ERC2: variants seen among roughly 807,000 people sequenced by gnomAD.
ERC2 encodes ERC protein 2.
In ERC2, 42 loss-of-function variants were observed where a neutral mutation model predicts 114.8. The ratio of observed to expected loss-of-function variants is 0.37; its 90% confidence interval spans 0.29 to 0.47. The LOEUF is 0.47. Among genes scored for constraint, ERC2 ranks in the 20% least tolerant of loss-of-function variants. ERC2 has a pLI of 0.99. For synonymous variants in ERC2, 454 were observed against 425.5 expected (o/e 1.07, Z -0.82); for missense variants, 939 against 1,150.7 (o/e 0.82, Z 2.66).
chr3:56,217,466 C>A (rs972356114), intron 3 of ERC2, among the ~76,000 whole-genome samples: 1 of 152,122 alleles, frequency 6.6e-6, no homozygotes, highest in Admixed American at 6.5e-5. Context: ...GAACTACAAA[C>A]CACTGCTCGA....
intron 6 of ERC2, among the ~76,000 whole-genome samples, chr3:56,110,306 C>G (rs749210145): frequency 6.6e-6 from 1 of 152,106 alleles, no homozygotes; most frequent in Non-Finnish European, 1.5e-5. Context: ...TGGTTATACC[C>G]TTTGACCCAG....
At chr3:55,989,206 G>T (rs2070865188) in intron 11 of ERC2, among the ~76,000 whole-genome samples, 1 of 152,222 alleles carries the variant, frequency 6.6e-6, no homozygotes, top group African/African-American at 2.4e-5. Context: ...CAGAGATAAA[G>T]AAAATGTGCA....
At chr3:55,866,759 G>A (rs767657742) in intron 14 of ERC2, among the ~76,000 whole-genome samples, 25 of 152,060 alleles carry the variant, frequency 1.6e-4, no homozygotes, top group Non-Finnish European at 3.5e-4. Flanking sequence ...CAATATTTGA[G>A]TATGCTTTCT....
At chr3:56,299,635 G>T (rs903396555) in intron 2 of ERC2, among the ~76,000 whole-genome samples, 1 of 151,434 alleles carries the variant, frequency 6.6e-6, no homozygotes, top group East Asian at 2.0e-4. Context: ...TCACCATGTT[G>T]CCCAGGCTGG....
chr3:55,618,713 A>G (rs1262062234), intron 17 of ERC2, among the ~76,000 whole-genome samples: 1 of 152,212 alleles, frequency 6.6e-6, no homozygotes, highest in Non-Finnish European at 1.5e-5. Context: ...GGGGACTTTT[A>G]TTTTCTTTGG....
At chr3:56,061,443 G>GT (rs1180278663) in intron 7 of ERC2, among the ~76,000 whole-genome samples, 1 of 152,156 alleles carries the variant, frequency 6.6e-6, no homozygotes, top group African/African-American at 2.4e-5. Context: ...AACCAAACTA[G>GT]TTTGTCAGCT....
intron 14 of ERC2, among the ~76,000 whole-genome samples, chr3:55,878,271 T>C (rs2062957313): frequency 1.3e-5 from 2 of 152,176 alleles, no homozygotes; most frequent in East Asian, 1.9e-4. Flanking sequence ...TTGACTGACA[T>C]TTTTCTCTAT....
chr3:55,590,455 T>C (rs993780254), intron 17 of ERC2, among the ~76,000 whole-genome samples: 49 of 152,188 alleles, frequency 3.2e-4, no homozygotes, highest in African/African-American at 1.2e-3. Context: ...ATAAATGATG[T>C]TCACTGCAGC....
intron 6 of ERC2, among the ~76,000 whole-genome samples, chr3:56,126,865 G>GGAAAA (rs2079906500): frequency 7.5e-6 from 1 of 132,904 alleles, no homozygotes; most frequent in African/African-American, 2.8e-5. Flanking sequence ...AGAAAGGCAA[G>GGAAAA]GCAAGGCAAG....
At chr3:56,165,360 T>C (rs1181082779) in intron 4 of ERC2, among the ~76,000 whole-genome samples, 1 of 152,002 alleles carries the variant, frequency 6.6e-6, no homozygotes, top group African/African-American at 2.4e-5. Context: ...AGGGTACATG[T>C]GCACAGTGTA....
chr3:55,764,617 C>T (rs941352488), intron 14 of ERC2, among the ~76,000 whole-genome samples: 10 of 152,180 alleles, frequency 6.6e-5, no homozygotes, highest in African/African-American at 2.4e-4. Context: ...CTGCTTAGGT[C>T]GTAGGATCTT....
At chr3:56,227,429 TA>T (rs370289007) in intron 3 of ERC2, among the ~76,000 whole-genome samples, 43,943 of 145,370 alleles carry the variant, frequency 0.3, 8,087 homozygotes, top group Middle Eastern at 0.43. Flanking sequence ...TTTTTTTAAT[TA>T]AAAAAAAAAA....
At chr3:55,682,485 A>G (rs2062106157) in intron 17 of ERC2, among the ~76,000 whole-genome samples, 1 of 152,154 alleles carries the variant, frequency 6.6e-6, no homozygotes, top group South Asian at 2.1e-4. Flanking sequence ...CCTCAGTACC[A>G]AAAAAAGCAA....
chr3:55,862,413 T>C (rs1204442387), intron 14 of ERC2, among the ~76,000 whole-genome samples: 2 of 152,074 alleles, frequency 1.3e-5, no homozygotes, highest in Non-Finnish European at 2.9e-5. Context: ...GCACTTATAC[T>C]TCCTCCCGTT....
intron 15 of ERC2, among the ~76,000 whole-genome samples, chr3:55,731,731 T>C (rs1257562852): frequency 1.3e-5 from 2 of 152,192 alleles, no homozygotes; most frequent in African/African-American, 4.8e-5. Context: ...TATAAGAGTA[T>C]CAAACCCTCA....
chr3:56,040,858 G>A, intron 7 of ERC2, among the ~76,000 whole-genome samples: 1 of 150,438 alleles, frequency 6.6e-6, no homozygotes, highest in East Asian at 2.0e-4. Context: ...AATTTTCTAA[G>A]GGTATTATTT....
intron 2 of ERC2, among the ~76,000 whole-genome samples, chr3:56,391,771 C>T (rs1418347368): frequency 6.6e-6 from 1 of 152,136 alleles, no homozygotes; most frequent in African/African-American, 2.4e-5. Context: ...TTATGGGGAA[C>T]ATCTCTCTTG....
intron 17 of ERC2, among the ~76,000 whole-genome samples, chr3:55,625,612 G>A (rs988169745): frequency 6.6e-6 from 1 of 151,966 alleles, no homozygotes; most frequent in Non-Finnish European, 1.5e-5. Flanking sequence ...TTAGCCGGGC[G>A]TGGTGGCGGG....
chr3:56,204,009 G>A (rs188607604), intron 3 of ERC2, among the ~76,000 whole-genome samples: 9 of 151,904 alleles, frequency 5.9e-5, no homozygotes, highest in Admixed American at 2.0e-4. Flanking sequence ...GTGAAACCCC[G>A]TCTCTACTAA....
Sources: allele counts gnomAD v4.1 joint callset (sites outside exome capture counted in the v4.1 genomes callset), GRCh38; gene constraint gnomAD v4.1.1; transcripts MANE v1.5; gene names NCBI Gene and HGNC (gene_info 2026-07-23, HGNC 2026-07-21).